EPHB1: variants seen among roughly 807,000 people sequenced by gnomAD.
EPHB1 encodes ephrin type-B receptor 1.
A neutral mutation model predicts 94.4 loss-of-function variants in EPHB1; 30 were observed. The observed-to-expected ratio is 0.32, with a 90% CI of 0.24 to 0.43. The LOEUF (loss-of-function observed/expected upper bound fraction) is 0.43, where lower values mean the gene tolerates loss of function less well. Ranked by LOEUF, EPHB1 falls within the 20% of genes least tolerant of loss-of-function variation. EPHB1 has a pLI of 1.00. For missense variants in EPHB1, 1,055 were observed against 1,308.3 expected (o/e 0.81, Z 2.99); for synonymous variants, 522 against 489.1 (o/e 1.07, Z -0.89).
chr3:135,170,914 C>G (rs1021661388), intron 9 of EPHB1, among the ~76,000 whole-genome samples: 2 of 152,150 alleles, frequency 1.3e-5, no homozygotes, highest in African/African-American at 4.8e-5. Flanking sequence ...CGTGTGCAGG[C>G]AACTGCAGAT....
At chr3:135,197,843 C>A (rs1175522427) in intron 11 of EPHB1, among the ~76,000 whole-genome samples, 3 of 151,574 alleles carry the variant, frequency 2.0e-5, no homozygotes, top group African/African-American at 7.3e-5. Flanking sequence ...TCTTGTTCAT[C>A]TTTGAATGCT....
At chr3:135,038,521 C>T (rs909958889) in intron 3 of EPHB1, among the ~76,000 whole-genome samples, 1 of 152,120 alleles carries the variant, frequency 6.6e-6, no homozygotes, top group Non-Finnish European at 1.5e-5. Flanking sequence ...CTGAGTTGGA[C>T]CATTTTGGCT....
chr3:134,859,588 C>T lies in EPHB1; in HGVS notation c.58+63899C>T, dbSNP rs946284701. 5.3e-5 allele frequency among the ~76,000 whole-genome samples: 8 copies of T among 152,210 alleles called. No homozygotes were observed. In the East Asian group the frequency reaches 1.5e-3, roughly 29 times the overall value. ...AGCCTTCTGCTGGAACCTACAGTGG[C>T]TAGTCACAGGGCTTCATAGCATCTT... On this transcript the variant is annotated intron_variant, in intron 1 of 15. Coordinates refer to ENST00000398015, the MANE Select transcript of EPHB1 (RefSeq NM_004441.5).
chr3:135,125,603 T>A (rs527737865), intron 4 of EPHB1, among the ~76,000 whole-genome samples: 1 of 152,352 alleles, frequency 6.6e-6, no homozygotes, highest in East Asian at 1.9e-4. Flanking sequence ...AGGTTTGGTG[T>A]TGTTTTCTTT....
intron 1 of EPHB1, among the ~76,000 whole-genome samples, chr3:134,861,103 G>T (rs538842897): frequency 6.4e-4 from 97 of 152,296 alleles, no homozygotes; most frequent in African/African-American, 2.3e-3. Context: ...AGAGGGCAGG[G>T]CTAGGTCTAC....
rs117538485 is a variant in EPHB1 at position 134,912,265 on chromosome 3, A to G, written c.59-13551A>G. On this transcript the variant is annotated intron_variant, in intron 1 of 15. Coordinates refer to ENST00000398015, the MANE Select transcript of EPHB1 (RefSeq NM_004441.5). ...TATGCATGGTTCTTACTCATGTGCCATTGGCGCAAACTCATTGGTCTGTCA... is the reference window on the plus strand; with the variant it reads ...TATGCATGGTTCTTACTCATGTGCCGTTGGCGCAAACTCATTGGTCTGTCA... Among the ~76,000 whole-genome samples the G allele has an allele frequency of 2.2e-3, 334 of 152,328 alleles. 3 individuals are homozygous for G. In the East Asian group the frequency reaches 0.038, roughly 17 times the overall value.
At chr3:135,060,254 T>C (rs1937459910) in intron 3 of EPHB1, among the ~76,000 whole-genome samples, 1 of 152,220 alleles carries the variant, frequency 6.6e-6, no homozygotes, top group African/African-American at 2.4e-5. Flanking sequence ...ACTCTGGACA[T>C]TTTATATAAA....
At chr3:134,923,086 C>G (rs1298265988) in intron 1 of EPHB1, among the ~76,000 whole-genome samples, 1 of 152,082 alleles carries the variant, frequency 6.6e-6, no homozygotes, top group Non-Finnish European at 1.5e-5. Flanking sequence ...GAGAGCTGCT[C>G]TAAGCAGGGA....
intron 1 of EPHB1, among the ~76,000 whole-genome samples, chr3:134,864,342 G>C (rs143822938): frequency 0.019 from 2,898 of 152,292 alleles, 50 homozygotes; most frequent in Middle Eastern, 0.075. Flanking sequence ...TCAGAAAGGG[G>C]CTAGCCTGTT....
At chr3:135,004,659 T>C (rs898551595) in intron 3 of EPHB1, among the ~76,000 whole-genome samples, 16 of 151,800 alleles carry the variant, frequency 1.1e-4, no homozygotes, top group African/African-American at 3.9e-4. Context: ...TGCTCGTTTC[T>C]TTTTATTCTT....
At chr3:134,912,467 C>T (rs1308923372) in intron 1 of EPHB1, among the ~76,000 whole-genome samples, 1 of 152,220 alleles carries the variant, frequency 6.6e-6, no homozygotes, top group Non-Finnish European at 1.5e-5. Flanking sequence ...CATGCTGGGA[C>T]ATTGATTTAA....
chr3:135,020,637 A>G (rs992643974), intron 3 of EPHB1, among the ~76,000 whole-genome samples: 2 of 152,230 alleles, frequency 1.3e-5, no homozygotes, highest in Non-Finnish European at 2.9e-5. Flanking sequence ...TAATAGCAGC[A>G]GTTTTAAATT....
intron 1 of EPHB1, among the ~76,000 whole-genome samples, chr3:134,816,395 A>AT (rs35949837): frequency 0.16 from 24,078 of 151,590 alleles, 4,492 homozygotes; most frequent in African/African-American, 0.45. Flanking sequence ...GCCTGGCTGG[A>AT]TTTTTTTCCT....
chr3:134,861,747 G>T lies in EPHB1; in HGVS notation c.59-64069G>T, dbSNP rs1560269702. On this transcript the variant is annotated intron_variant, in intron 1 of 15. Transcript: ENST00000398015. ...GGCATCGGGGGAGGGAGAGCATCAG[G>T]ATAAGTAACTAATGCATGCAGGGCT... Among the ~76,000 whole-genome samples the T allele has an allele frequency of 2.0e-5, 3 of 152,132 alleles. No individual in the cohort carries two copies. The South Asian group carries it at 6.2e-4, about 32-fold the overall frequency.
In EPHB1 at chr3:135,000,631, C is replaced by T. The variant is rs139470489; in HGVS notation, c.805+48579C>T. 5.1e-3 allele frequency among the ~76,000 whole-genome samples: 780 copies of T among 152,302 alleles called. 6 individuals are homozygous for T. Among genetic ancestry groups the T allele is most frequent in the South Asian group, 9.7e-3 (47 of 4,824 alleles). ...ACTCTCCAGAGTACTTGAACCGTGT[C>T]CTGGGGTTGGCATTGTTACAAAAAC... On this transcript the variant is annotated intron_variant, in intron 3 of 15. Transcript: ENST00000398015.
At chr3:134,994,275 T>C (rs1341432674) in intron 3 of EPHB1, among the ~76,000 whole-genome samples, 1 of 152,220 alleles carries the variant, frequency 6.6e-6, no homozygotes, top group African/African-American at 2.4e-5. Flanking sequence ...AATAATATGA[T>C]AAATATATGA....
At chr3:135,057,088 T>G (rs950883986) in intron 3 of EPHB1, among the ~76,000 whole-genome samples, 6 of 152,194 alleles carry the variant, frequency 3.9e-5, no homozygotes, top group African/African-American at 4.8e-5. Context: ...AGCCACATTC[T>G]TCCTGCTGCC....
intron 11 of EPHB1, among the ~76,000 whole-genome samples, chr3:135,196,378 A>C (rs1185255340): frequency 6.6e-6 from 1 of 152,128 alleles, no homozygotes; most frequent in Non-Finnish European, 1.5e-5. Flanking sequence ...GCAGGGGAAG[A>C]AAACCTGGGG....
At chr3:134,882,959 A>C (rs2037788610) in intron 1 of EPHB1, among the ~76,000 whole-genome samples, 1 of 152,018 alleles carries the variant, frequency 6.6e-6, no homozygotes, top group African/African-American at 2.4e-5. Flanking sequence ...AATAGCTGGC[A>C]CTACAGGTGC....
Sources: allele counts gnomAD v4.1 joint callset (sites outside exome capture counted in the v4.1 genomes callset), GRCh38; gene constraint gnomAD v4.1.1; transcripts MANE v1.5; gene names NCBI Gene and HGNC (gene_info 2026-07-23, HGNC 2026-07-21).